The following PNPLA8 variants were observed in gnomAD, a reference collection of about 807,000 sequenced individuals.
PNPLA8 encodes the protein calcium-independent phospholipase A2-gamma.
Under a neutral mutation model 76.9 loss-of-function variants are expected in PNPLA8, and 39 were observed. The ratio of observed to expected loss-of-function variants is 0.51; its 90% CI spans 0.39 to 0.66. The LOEUF (loss-of-function observed/expected upper bound fraction) is 0.66, where lower values mean the gene tolerates loss of function less well. Among genes scored for constraint, PNPLA8 ranks in the 30% least tolerant of loss-of-function variants. PNPLA8 has a pLI of 0.00. For synonymous variants in PNPLA8, 301 were observed against 307.9 expected, an observed-to-expected ratio of 0.98 and a Z score of 0.24; for missense variants, 887 against 918.0, an observed-to-expected ratio of 0.97 and a Z score of 0.44.
intron 7 of PNPLA8, among the ~76,000 whole-genome samples, chr7:108,491,713 G>A (rs992667998): frequency 6.6e-6 from 1 of 152,208 alleles, no homozygotes; most frequent in African/African-American, 2.4e-5. Flanking sequence ...AACGAACAGA[G>A]GGGCAGTAAC....
chr7:108,491,613 T>C, intron 7 of PNPLA8, 146 bp from the exon 8 acceptor site: 1 of 592,236 alleles, frequency 1.7e-6, no homozygotes, highest in Non-Finnish European at 3.0e-6. Context: ...TCTAGGAGGC[T>C]TATAATTCCA....
At chr7:108,493,105 A>T (rs575715970) in intron 7 of PNPLA8, among the ~76,000 whole-genome samples, 53 of 152,334 alleles carry the variant, frequency 3.5e-4, no homozygotes, top group African/African-American at 1.3e-3. Context: ...AGACTAAATC[A>T]TCATTGTTTT....
At chr7:108,510,506 A>C (rs1345659982) in intron 4 of PNPLA8, 1 of 1,378,952 alleles carries the variant, frequency 7.3e-7, no homozygotes. Context: ...GGCATTTGTC[A>C]TCAGAATCAG....
At chr7:108,519,950 G>A (rs1490784316) in intron 2 of PNPLA8, among the ~76,000 whole-genome samples, 2 of 152,140 alleles carry the variant, frequency 1.3e-5, no homozygotes, top group African/African-American at 2.4e-5. Context: ...ATACAAGTTC[G>A]TCTCTGTCCT....
At chr7:108,475,883 TTAAGG>T (rs1262305700) in intron 10 of PNPLA8, among the ~76,000 whole-genome samples, 7 of 152,218 alleles carry the variant, frequency 4.6e-5, no homozygotes, top group Non-Finnish European at 5.9e-5. Context: ...TTCTAGTTGT[TTAAGG>T]TAAGAGGAAA....
In PNPLA8 at chr7:108,515,262, T is replaced by C. The variant is rs777629063; in HGVS notation, c.230A>G (p.His77Arg). The C allele has an allele frequency of 3.1e-6, 5 of 1,604,582 alleles. No individual in the cohort carries two copies. In the African/African-American group the frequency reaches 5.4e-5, roughly 17 times the overall value. The change falls in exon 3 of 11, where the codon CAT becomes CGT. Residue 77 changes from histidine to arginine, a missense_variant. Physicochemically the swap from His to Arg is conservative, Grantham distance 29 (BLOSUM62 0). Coordinates refer to ENST00000257694, the MANE Select transcript of PNPLA8 (RefSeq NM_001256007.3). ...TTTCAAAATCCCAATATGTAAACCA[T>C]GGTTGCTTGGAGAGTAACAGTGCTT... ...CSKHCYSPSN[H>R]GLHIGILKLS...
At chr7:108,492,419 C>G (rs1002799048) in intron 7 of PNPLA8, among the ~76,000 whole-genome samples, 1 of 152,090 alleles carries the variant, frequency 6.6e-6, no homozygotes, top group Non-Finnish European at 1.5e-5. Context: ...TCACAGAATT[C>G]TTACTGTAAA....
chr7:108,501,039 C>T (rs935537132), intron 5 of PNPLA8, among the ~76,000 whole-genome samples: 8 of 152,102 alleles, frequency 5.3e-5, no homozygotes, highest in Non-Finnish European at 8.8e-5. Context: ...ATAAAGGACT[C>T]GGGTGAATAC....
intron 2 of PNPLA8, among the ~76,000 whole-genome samples, chr7:108,520,420 A>C (rs1203342328): frequency 6.6e-6 from 1 of 152,212 alleles, no homozygotes; most frequent in East Asian, 1.9e-4. Context: ...TAGATACCAG[A>C]GGCTAGGAAC....
At chr7:108,496,996 C>T (rs1422061058) in intron 6 of PNPLA8, among the ~76,000 whole-genome samples, 2 of 151,218 alleles carry the variant, frequency 1.3e-5, no homozygotes. Flanking sequence ...TACCAGGTCT[C>T]AAAAAGGATT....
chr7:108,476,812 A>G (rs1860028188), intron 10 of PNPLA8, among the ~76,000 whole-genome samples: 1 of 152,236 alleles, frequency 6.6e-6, no homozygotes. Context: ...GCCTTAAAAA[A>G]GAAGGAAATC....
chr7:108,472,903 T>A (rs1356864313), intron 10 of PNPLA8, among the ~76,000 whole-genome samples: 2 of 151,646 alleles, frequency 1.3e-5, no homozygotes, highest in Admixed American at 6.6e-5. Context: ...TTAGTATACT[T>A]CTTCTATTCT....
intron 1 of PNPLA8, among the ~76,000 whole-genome samples, chr7:108,524,076 T>C (rs1863920992): frequency 6.6e-6 from 1 of 152,176 alleles, no homozygotes; most frequent in South Asian, 2.1e-4. Context: ...GACATTCAAA[T>C]GGAAATGTAC....
chr7:108,506,282 G>T (rs918592858), intron 4 of PNPLA8, among the ~76,000 whole-genome samples: 1 of 152,118 alleles, frequency 6.6e-6, no homozygotes, highest in Non-Finnish European at 1.5e-5. Flanking sequence ...GGAGGCTGAG[G>T]CAGGAGAACT....
chr7:108,500,783 C>T (rs1455081749), intron 5 of PNPLA8, among the ~76,000 whole-genome samples: 1 of 152,064 alleles, frequency 6.6e-6, no homozygotes, highest in East Asian at 1.9e-4. Flanking sequence ...GTAGTGCATG[C>T]CTATAATCCC....
chr7:108,523,539 A>G (rs991253407), intron 1 of PNPLA8, among the ~76,000 whole-genome samples: 1 of 152,206 alleles, frequency 6.6e-6, no homozygotes, highest in Non-Finnish European at 1.5e-5. Context: ...CAAAATGTCT[A>G]TAAATGTAAT....
chr7:108,520,730 T>A (rs1479812572), intron 2 of PNPLA8, among the ~76,000 whole-genome samples: 2 of 151,380 alleles, frequency 1.3e-5, no homozygotes, highest in Non-Finnish European at 2.9e-5. Context: ...ATATATCATT[T>A]AAAAAAAAAT....
chr7:108,497,670 A>C, intron 5 of PNPLA8, 93 bp from the exon 6 acceptor site: 1 of 579,404 alleles, frequency 1.7e-6, no homozygotes. Flanking sequence ...TTGCTTTTAG[A>C]GTTTATATGC....
rs1361785692 is a variant in PNPLA8, at chr7:108,471,128, T to C, written c.*1273A>G. The C allele has an allele frequency of 6.6e-6, 1 of 152,024 alleles. No homozygotes were observed. Among genetic ancestry groups the C allele is most frequent in the Non-Finnish European group, 1.5e-5 (1 of 68,008 alleles). 9.4% of individuals were successfully genotyped at this position (152,024 alleles called of 1,614,324 possible). ...AGATGAGTTTGTTTGGCATGAACAA[T>C]GTTCCATGTAAGTGCATCTTACCAA... is the stretch of plus-strand genomic sequence containing the variant. On this transcript the variant is annotated 3_prime_UTR_variant, in exon 11 of 11. Coordinates refer to ENST00000257694, the MANE Select transcript of PNPLA8 (RefSeq NM_001256007.3).
Sources: gnomAD v4.1 joint callset for allele counts (sites outside exome capture counted in the v4.1 genomes callset) on GRCh38, gnomAD v4.1.1 for gene constraint, MANE v1.5 for transcripts, NCBI Gene and HGNC (gene_info 2026-07-23, HGNC 2026-07-21) for gene names.